The following F10 variants were observed in gnomAD, a reference collection of about 807,000 sequenced individuals.
The protein encoded by F10 is Stuart-Prower factor.
Under a neutral mutation model 37.1 loss-of-function variants are expected in F10, and 29 were observed. The observed-to-expected ratio is 0.78, with a 90% CI of 0.58 to 1.07. F10 has a LOEUF of 1.07. Ranked by LOEUF, F10 falls within the 50% of genes least tolerant of loss-of-function variation. F10 has a pLI of 0.00. For missense variants in F10, 539 were observed against 667.9 expected (o/e 0.81, Z 2.13); for synonymous variants, 262 against 268.6 (o/e 0.98, Z 0.24).
chr13:113,140,680 G>A (rs969433384), intron 4 of F10: 6 of 689,050 alleles, frequency 8.7e-6, no homozygotes, highest in African/African-American at 1.8e-5. Flanking sequence ...TCCCGGAGGT[G>A]TGAGGGGCAG....
At chr13:113,133,900 T>C (rs1400782769) in intron 2 of F10, among the ~76,000 whole-genome samples, 1 of 152,208 alleles carries the variant, frequency 6.6e-6, no homozygotes, top group Non-Finnish European at 1.5e-5. Flanking sequence ...TAATCCACCA[T>C]ATAAACAAAA....
Position 113,149,316 on chromosome 13 carries a change from G to A in F10, c.1266G>A (p.Pro422=), listed in dbSNP as rs528688585. ...CCTGCCAGGGGGACAGCGGGGGCCC[G>A]CACGTCACCCGCTTCAAGGACACCT... ...EDACQGDSGG[P]HVTRFKDTYF... The change falls in exon 8 of 8, where the codon CCG becomes CCA. Residue 422 remains proline, a synonymous_variant. Transcript: ENST00000375559. This position sits in a 1 kb window ranked among gnomAD's most constrained non-coding sequence, Gnocchi z 7.5. 79 of 1,613,208 alleles carry A rather than the reference G, an allele frequency of 4.9e-5. No individual in the cohort carries two copies. Among genetic ancestry groups the A allele is most frequent in the African/African-American group, 1.1e-4 (8 of 75,046 alleles).
chr13:113,130,779 CCTT>C (rs1442006759), intron 2 of F10: 2 of 152,352 alleles, frequency 1.3e-5, no homozygotes, highest in African/African-American at 4.8e-5. Context: ...GGAAAGTTCA[CCTT>C]CTAATGACCC....
At chr13:113,137,591 C>T (rs574136999) in intron 2 of F10, among the ~76,000 whole-genome samples, 5 of 152,270 alleles carry the variant, frequency 3.3e-5, no homozygotes, top group East Asian at 3.9e-4. Context: ...GATTTATTGT[C>T]GCAGCTTTGG....
intron 2 of F10, among the ~76,000 whole-genome samples, chr13:113,133,064 A>G (rs1293601850): frequency 1.3e-5 from 2 of 152,220 alleles, no homozygotes; most frequent in Non-Finnish European, 2.9e-5. Flanking sequence ...AATATGTAAC[A>G]TAAAATCTGT....
Position 113,148,921 on chromosome 13 carries a change from C to A in F10, c.871C>A (p.Arg291=). 2 of 1,613,342 alleles carry A rather than the reference C, an allele frequency of 1.2e-6. No homozygotes were observed. Among genetic ancestry groups the A allele is most frequent in the South Asian group, 1.1e-5 (1 of 91,080 alleles). The change falls in exon 8 of 8, where the codon CGG becomes AGG. Residue 291 remains arginine, a synonymous_variant. Coordinates refer to ENST00000375559, the MANE Select transcript of F10 (RefSeq NM_000504.4). ...GTCCCACTCGTCTGTCCCAGGGGAC[C>A]GGAACACGGAGCAGGAGGAGGGCGG... ...AKRFKVRVGD[R]NTEQEEGGEA...
At chr13:113,140,376 G>A (rs1279241819) in intron 4 of F10, 11 of 390,288 alleles carry the variant, frequency 2.8e-5, no homozygotes, top group Non-Finnish European at 3.1e-5. Context: ...GCACAGCGCC[G>A]GCCTAATTGA....
In F10 at chr13:113,122,886, A is replaced by G. The variant is rs1566913591; in HGVS notation, c.31A>G (p.Ser11Gly). 1 of 1,610,982 alleles carries G rather than the reference A, an allele frequency of 6.2e-7. No homozygotes were observed. ...GCGCCCACTGCACCTCGTCCTGCTC[A>G]GTGCCTCCCTGGCTGGCCTCCTGCT... MGRPLHLVLL[S>G]ASLAGLLLLG... The change falls in exon 1 of 8, where the codon AGT becomes GGT. Residue 11 changes from serine (S) to glycine (G), a missense_variant. Physicochemically the swap from Ser to Gly is moderately conservative, Grantham distance 56 (BLOSUM62 0). Around this residue, in one of 2 missense-constraint regions of F10, gnomAD observed 130 missense variants for 120.0 expected, o/e 1.08. Coordinates refer to ENST00000375559, the MANE Select transcript of F10 (RefSeq NM_000504.4).
chr13:113,149,493 C>T lies in F10; in HGVS notation c.1443C>T (p.Val481=). The change falls in exon 8 of 8, where the codon GTC becomes GTT. Residue 481 remains valine, a synonymous_variant. Transcript: ENST00000375559. This position sits in a 1 kb window ranked among gnomAD's most constrained non-coding sequence, Gnocchi z 7.5. ...LPKAKSHAPE[V]ITSSPLK The stretch of plus-strand genomic sequence containing the variant: ...AGGCCAAGAGCCATGCCCCGGAGGT[C>T]ATAACGTCCTCTCCATTAAAGTGAG... The T allele has an allele frequency of 6.2e-7, 1 of 1,613,174 alleles. No individual in the cohort carries two copies. Among genetic ancestry groups the T allele is most frequent in the South Asian group, 1.1e-5 (1 of 91,084 alleles).
Position 113,149,001 on chromosome 13 carries a change from G to T in F10, c.951G>T (p.Glu317Asp). The change falls in exon 8 of 8, where the codon GAG becomes GAT. Residue 317 changes from glutamate to aspartate, a missense_variant. Glu to Asp is a conservative substitution (Grantham distance 45). Around this residue, in one of 2 missense-constraint regions of F10, gnomAD observed 409 missense variants for 547.9 expected, o/e 0.75. Transcript: ENST00000375559. This position sits in a 1 kb window ranked among gnomAD's most constrained non-coding sequence, Gnocchi z 7.5. ...TCAAGCACAACCGGTTCACAAAGGA[G>T]ACCTATGACTTCGACATCGCCGTGC... ...VVIKHNRFTK[E>D]TYDFDIAVLR... 1 of 1,613,570 alleles carries T rather than the reference G, an allele frequency of 6.2e-7. No homozygotes were observed. Among genetic ancestry groups the T allele is most frequent in the Non-Finnish European group, 8.5e-7 (1 of 1,180,012 alleles).
At position 113,145,164 on chromosome 13, in the gene F10, G is replaced by GCCACC. The variant is rs1274564258; in HGVS notation, c.747+1069_747+1070insCCACC. Among the ~76,000 whole-genome samples the GCCACC allele has an allele frequency of 5.9e-5, 9 of 152,308 alleles. No homozygotes were observed. In the East Asian group the frequency reaches 1.7e-3, roughly 29 times the overall value. On this transcript the variant is annotated intron_variant, in intron 6 of 7. Transcript: ENST00000375559. ...CAAAGTGCTGGGATTACAGGCGTGA[G>GCCACC]ACAATGTGCCCGGCCATGCCTGGCT...
In F10 at chr13:113,145,042, C is replaced by A. The variant is rs1234765674; in HGVS notation, c.747+947C>A. 2.6e-5 allele frequency among the ~76,000 whole-genome samples: 4 copies of A among 152,158 alleles called. No homozygotes were observed. In the East Asian group the frequency reaches 7.7e-4, roughly 29 times the overall value. ...TACAGGCGCCTGCCACCACGCCCAG[C>A]TAATTTTTTTTGTATTTTTAGTAGA... On this transcript the variant is annotated intron_variant, in intron 6 of 7. Transcript: ENST00000375559.
At chr13:113,133,580 T>C (rs1263952064) in intron 2 of F10, among the ~76,000 whole-genome samples, 1 of 152,150 alleles carries the variant, frequency 6.6e-6, no homozygotes, top group Admixed American at 6.5e-5. Context: ...TACAGATGGT[T>C]TCACTGGTAG....
chr13:113,149,213 A>G lies in F10; in HGVS notation c.1163A>G (p.Asn388Ser), dbSNP rs772545813. 1.2e-6 allele frequency: 2 copies of G among 1,613,048 alleles called. No homozygotes were observed. The highest frequency in any genetic ancestry group is 1.7e-5 in the Admixed American group (1 of 60,028). Residue 388 changes from asparagine (N) to serine (S), a missense_variant, in exon 8 of 8, where the codon AAC (asparagine) becomes AGC (serine). By Grantham distance (46) the Asn-to-Ser change is conservative. This residue lies in a region of F10 where 409 missense variants were observed against 547.9 expected (regional missense o/e 0.75). Transcript: ENST00000375559. This position sits in a 1 kb window ranked among gnomAD's most constrained non-coding sequence, Gnocchi z 7.5. ...CTGGAGGTGCCCTACGTGGACCGCA[A>G]CAGCTGCAAGCTGTCCAGCAGCTTC... Reference protein sequence around the residue: ...KMLEVPYVDRNSCKLSSSFII... With the variant: ...KMLEVPYVDRSSCKLSSSFII...
rs756166351 is a variant in F10, at chr13:113,122,914, T to C, written c.59T>C (p.Leu20Pro). ...GCCTCCCTGGCTGGCCTCCTGCTGC[T>C]CGGGGAAAGTCGTAAGTGCCCCTCG... is the stretch of plus-strand genomic sequence containing the variant. The part of the protein sequence containing the change: ...LSASLAGLLL[L>P]GESLFIRREQ... Residue 20 changes from leucine (L) to proline (P), a missense_variant, in exon 1 of 8, where the codon CTC becomes CCC. This residue lies in a region of F10 where 130 missense variants were observed against 120.0 expected (regional missense o/e 1.08). Transcript: ENST00000375559. The C allele has an allele frequency of 6.2e-7, 1 of 1,609,842 alleles. No homozygotes were observed. Among genetic ancestry groups the C allele is most frequent in the East Asian group, 2.2e-5 (1 of 44,880 alleles).
intron 4 of F10, 136 bp from the exon 5 acceptor site, chr13:113,140,783 G>A (rs753130251): frequency 4.3e-5 from 57 of 1,326,924 alleles, no homozygotes; most frequent in Non-Finnish European, 5.5e-5. Context: ...TGTACCTGTC[G>A]CCTGGCTCTG....
chr13:113,141,747 C>T lies in F10; in HGVS notation c.502+697C>T, dbSNP rs1201909539. Among the ~76,000 whole-genome samples, 6 of 152,112 alleles carry T rather than the reference C, an allele frequency of 3.9e-5. No individual in the cohort carries two copies. In the South Asian group the frequency reaches 1.2e-3, roughly 31 times the overall value. The stretch of plus-strand genomic sequence containing the variant: ...GAGGCCCTCGAAGGCGGGGCCTAGG[C>T]GTCACAGCTGCACCTTGCACAGCAA... On this transcript the variant is annotated intron_variant, in intron 5 of 7. Transcript: ENST00000375559. This position sits in a 1 kb window ranked among gnomAD's most constrained non-coding sequence, Gnocchi z 5.4.
In F10 at chr13:113,129,678, C is replaced by A; in HGVS notation, c.231+66C>A. 4 of 1,600,120 alleles carry A rather than the reference C, an allele frequency of 2.5e-6. No homozygotes were observed. In the South Asian group the frequency reaches 4.4e-5, roughly 18 times the overall value. ...GGCCACAGCGCCCTCGCTGGCCCCG[C>A]TGCTCCGTCCATCCAGGGGGGCGGC... On this transcript the variant is annotated intron_variant, in intron 2 of 7. Transcript: ENST00000375559.
rs181184425 is a variant in F10 at position 113,144,917 on chromosome 13, C to T, written c.747+822C>T. Among the ~76,000 whole-genome samples, 85 of 139,216 alleles carry T rather than the reference C, an allele frequency of 6.1e-4. 1 individual carries two copies. Among genetic ancestry groups the T allele is most frequent in the Non-Finnish European group, 8.0e-4 (51 of 64,084 alleles). 91.3% of individuals were successfully genotyped at this position (139,216 alleles called of 152,430 possible). On this transcript the variant is annotated intron_variant, in intron 6 of 7. Transcript: ENST00000375559. The surrounding 1 kb of genome is among the most constrained non-coding windows in gnomAD (Gnocchi z 6.4). ...TTTTTGAGACGGAGTCTCACTCTGTCGCCCAGGCTGGAGTGCAGTGGCGCG... is the reference window on the plus strand; with the variant it reads ...TTTTTGAGACGGAGTCTCACTCTGTTGCCCAGGCTGGAGTGCAGTGGCGCG...
Sources: gnomAD v4.1 joint callset for allele counts (sites outside exome capture counted in the v4.1 genomes callset) on GRCh38, gnomAD v4.1.1 for gene constraint, gnomAD v4.1.1 regional missense constraint, Gnocchi (gnomAD v3.1) non-coding constraint, MANE v1.5 for transcripts, NCBI Gene and HGNC (gene_info 2026-07-23, HGNC 2026-07-21) for gene names.